Variants in RRM1 observed in about 807,000 individuals in gnomAD.
RRM1 encodes the protein ribonucleoside-diphosphate reductase large subunit.
RRM1 carries 19 observed loss-of-function variants against 101.5 expected under a neutral mutation model. That is an observed-to-expected ratio of 0.19 (90% CI 0.13 to 0.27). The LOEUF is 0.27. Ranked by LOEUF, RRM1 falls within the 10% of genes least tolerant of loss-of-function variation. The probability of loss-of-function intolerance (pLI) is 1.00; values close to 1 mark genes in which losing one functional copy is unlikely to be tolerated. For synonymous variants in RRM1, 298 were observed against 323.4 expected (o/e 0.92, Z 0.84); for missense variants, 500 against 962.9 (o/e 0.52, Z 6.36).
intron 18 of RRM1, among the ~76,000 whole-genome samples, chr11:4,135,858 A>T (rs2094608741): frequency 6.6e-6 from 1 of 150,782 alleles, no homozygotes; most frequent in African/African-American, 2.4e-5. Context: ...TTGTTTTTTA[A>T]TTTAACATTT....
chr11:4,111,993 C>T lies in RRM1; in HGVS notation c.581C>T (p.Ser194Phe). ...DAAIETYNLL[S>F]ERWFTHASPT... Reference sequence around the variant, plus strand: ...GCAATTGAAACATATAATCTTCTTTCTGAGAGGTGGTTTACTCATGCTTCG... The same window carrying T: ...GCAATTGAAACATATAATCTTCTTTTTGAGAGGTGGTTTACTCATGCTTCG... The change falls in exon 7 of 19, where the codon TCT becomes TTT. Residue 194 changes from serine (S) to phenylalanine (F), a missense_variant. By Grantham distance (155) the Ser-to-Phe change is radical. This residue lies in a region of RRM1 where 111 missense variants were observed against 219.8 expected (regional missense o/e 0.51). Transcript: ENST00000300738. 2 of 1,614,064 alleles carry T rather than the reference C, an allele frequency of 1.2e-6. No individual in the cohort carries two copies. The highest frequency in any genetic ancestry group is 1.7e-6 in the Non-Finnish European group (2 of 1,179,934).
rs545026690 is a variant in RRM1, at chr11:4,133,472, A to G, written c.1906-91A>G. 13 of 714,730 alleles carry G rather than the reference A, an allele frequency of 1.8e-5. No homozygotes were observed. The East Asian group carries it at 3.5e-4, about 19-fold the overall frequency. 44.3% of individuals were successfully genotyped at this position (714,730 alleles called of 1,614,324 possible). On this transcript the variant is annotated intron_variant, in intron 16 of 18. Coordinates refer to ENST00000300738, the MANE Select transcript of RRM1 (RefSeq NM_001033.5). ...AGCAATCTAGCATTAAATAACTCTT[A>G]AGTGATTTTAGTTTAAGCTTCAAAG... is the stretch of plus-strand genomic sequence containing the variant.
At chr11:4,131,432 A>G (rs1022624714) in intron 15 of RRM1, among the ~76,000 whole-genome samples, 1 of 152,232 alleles carries the variant, frequency 6.6e-6, no homozygotes, top group African/African-American at 2.4e-5. Context: ...TAAGCACTGT[A>G]TGAATCCATA....
chr11:4,136,404 G>A (rs11823893), intron 18 of RRM1, among the ~76,000 whole-genome samples: 2 of 151,936 alleles, frequency 1.3e-5, no homozygotes, highest in African/African-American at 4.8e-5. Flanking sequence ...ATTTTTATTA[G>A]AGATGGGGTT....
chr11:4,130,719 C>CTTGTTATTTAGTGATTTAT (rs2094598653), intron 15 of RRM1, among the ~76,000 whole-genome samples: 1 of 152,096 alleles, frequency 6.6e-6, no homozygotes, highest in African/African-American at 2.4e-5. Flanking sequence ...TATTCTGAGA[C>CTTGTTATTTAGTGATTTAT]TTGTTATTTA....
rs376891198 is a variant in RRM1, at chr11:4,127,174, A to T, written c.1610A>T (p.Tyr537Phe). ...AAGCAGATCTTTGAAACTATTTATT[A>T]TGGTGCTCTGGAAGCCAGCTGTGAC... ...LNKQIFETIY[Y>F]GALEASCDLA... Residue 537 changes from tyrosine (Y) to phenylalanine (F), a missense_variant, in exon 14 of 19, where the codon TAT becomes TTT. Physicochemically the swap from Tyr to Phe is conservative, Grantham distance 22. Transcript: ENST00000300738. 13 of 1,613,934 alleles carry T rather than the reference A, an allele frequency of 8.1e-6. No individual in the cohort carries two copies. In the East Asian group the frequency reaches 2.7e-4, roughly 33 times the overall value.
intron 18 of RRM1, chr11:4,137,360 C>A (rs2094613054): frequency 5.8e-6 from 1 of 171,272 alleles, no homozygotes; most frequent in African/African-American, 2.4e-5. Flanking sequence ...GCAGAGGCGC[C>A]CCTCACCTCC....
At chr11:4,094,722 C>T (rs1261477969), upstream of RRM1, 2 of 535,406 alleles carry the variant, frequency 3.7e-6, no homozygotes, top group East Asian at 3.0e-5. Flanking sequence ...GGCGGCTACA[C>T]GTCGCCTGTC....
At chr11:4,108,344 A>G (rs553422518) in intron 4 of RRM1, among the ~76,000 whole-genome samples, 1 of 152,248 alleles carries the variant, frequency 6.6e-6, no homozygotes, top group African/African-American at 2.4e-5. Context: ...CACGCCTGTA[A>G]TCCCAGCACT....
intron 15 of RRM1, among the ~76,000 whole-genome samples, chr11:4,131,932 G>A (rs1565190231): frequency 6.6e-6 from 1 of 152,190 alleles, no homozygotes; most frequent in Non-Finnish European, 1.5e-5. Flanking sequence ...CGCTTCAACA[G>A]TGATTTGAAT....
chr11:4,105,578 CTT>C (rs55705631), intron 2 of RRM1: 2,252 of 277,338 alleles, frequency 8.1e-3, no homozygotes, highest in East Asian at 0.015. Context: ...TTTTTCTTTC[CTT>C]TTTTTTTTTT....
chr11:4,116,209 G>C (rs555559087), intron 7 of RRM1: 1 of 152,534 alleles, frequency 6.6e-6, no homozygotes, highest in South Asian at 2.1e-4. Flanking sequence ...ATGTGCGTTA[G>C]TCGGGGTGGC....
rs531753773 is a variant in RRM1, at chr11:4,128,160, G to A, written c.1692+904G>A. The stretch of plus-strand genomic sequence containing the variant: ...AATGTCCTCACCACCCCCCTGTCCC[G>A]CTTTTTTTTTTTTTTTTTTGAGACA... On this transcript the variant is annotated intron_variant, in intron 14 of 18. Transcript: ENST00000300738. Among the ~76,000 whole-genome samples, 332 of 142,436 alleles carry A rather than the reference G, an allele frequency of 2.3e-3. 1 individual carries two copies. Among genetic ancestry groups the A allele is most frequent in the African/African-American group, 8.7e-3 (319 of 36,504 alleles). The allele number at this position is 142,436 out of a possible 152,430, so 93.4% of individuals were successfully genotyped here. A position where few individuals can be genotyped will look rare whatever the true frequency, so the allele number is the denominator to read the frequency against.
chr11:4,097,278 C>CAAA (rs1221330899), intron 1 of RRM1, among the ~76,000 whole-genome samples: 21 of 68,798 alleles, frequency 3.1e-4, no homozygotes, highest in Non-Finnish European at 3.6e-4. Context: ...CACTCTGTCT[C>CAAA]AAAAAAAAAA....
chr11:4,105,275 G>A (rs1246769389), intron 2 of RRM1, among the ~76,000 whole-genome samples: 1 of 152,128 alleles, frequency 6.6e-6, no homozygotes, highest in East Asian at 1.9e-4. Flanking sequence ...CGCCCAGGCT[G>A]GAGTGCAGTG....
chr11:4,129,672 C>G (rs150991948), intron 15 of RRM1, among the ~76,000 whole-genome samples: 1 of 151,812 alleles, frequency 6.6e-6, no homozygotes, highest in African/African-American at 2.4e-5. Flanking sequence ...ATAAGGGATT[C>G]GAAGGCAGAC....
At position 4,107,428 on chromosome 11, in the gene RRM1, T is replaced by G; in HGVS notation, c.287-7T>G. 2.5e-6 allele frequency: 4 copies of G among 1,576,602 alleles called. No individual in the cohort carries two copies. Among genetic ancestry groups the G allele is most frequent in the Non-Finnish European group, 3.5e-6 (4 of 1,147,300 alleles). On this transcript the variant is annotated splice_region_variant and splice_polypyrimidine_tract_variant and intron_variant, in intron 3 of 18. Coordinates refer to ENST00000300738, the MANE Select transcript of RRM1 (RefSeq NM_001033.5). Reference sequence around the variant, plus strand: ...GATATATTTTCATTTTTTGTTGTATTTTTTAGATGTGATGGAAGACCTCTA... The same window carrying G: ...GATATATTTTCATTTTTTGTTGTATGTTTTAGATGTGATGGAAGACCTCTA...
chr11:4,102,445 G>T, intron 2 of RRM1, among the ~76,000 whole-genome samples: 1 of 152,086 alleles, frequency 6.6e-6, no homozygotes, highest in East Asian at 1.9e-4. Flanking sequence ...ATCACCTGAG[G>T]TCAGGAGTTC....
intron 6 of RRM1, 89 bp from the exon 7 acceptor site, chr11:4,111,811 T>G: frequency 7.4e-7 from 1 of 1,350,272 alleles, no homozygotes; most frequent in Non-Finnish European, 1.0e-6. Flanking sequence ...TCTAGTTTCC[T>G]TTTGGTGTCC....
Sources: gnomAD v4.1 joint callset for allele counts (sites outside exome capture counted in the v4.1 genomes callset) on GRCh38, gnomAD v4.1.1 for gene constraint, gnomAD v4.1.1 regional missense constraint, MANE v1.5 for transcripts, NCBI Gene and HGNC (gene_info 2026-07-23, HGNC 2026-07-21) for gene names.